MSRA: variants seen among roughly 807,000 people sequenced by gnomAD.
MSRA encodes the protein mitochondrial peptide methionine sulfoxide reductase.
A neutral mutation model predicts 31.3 loss-of-function variants in MSRA; 54 were observed. The observed-to-expected ratio is 1.73, with a 90% CI of 1.39 to 2.17. The LOEUF is 2.17. MSRA is among the 30% of genes most tolerant of loss of function. The pLI is 0.00. For synonymous variants in MSRA, 169 were observed against 116.5 expected, an observed-to-expected ratio of 1.45 and a Z score of -2.90; for missense variants, 507 against 300.9, an observed-to-expected ratio of 1.69 and a Z score of -5.07.
chr8:10,331,595 A>G (rs1388242415), intron 5 of MSRA, among the ~76,000 whole-genome samples: 1 of 152,166 alleles, frequency 6.6e-6, no homozygotes, highest in Non-Finnish European at 1.5e-5. Flanking sequence ...GAATTCCATA[A>G]GCTTTTCACC....
intron 5 of MSRA, among the ~76,000 whole-genome samples, chr8:10,404,166 A>T: frequency 6.6e-6 from 1 of 152,150 alleles, no homozygotes; most frequent in East Asian, 1.9e-4. Context: ...CCCCTGGTCC[A>T]CGTGGAGAGG....
chr8:10,275,638 G>A (rs1026107528), intron 3 of MSRA, among the ~76,000 whole-genome samples: 1 of 152,174 alleles, frequency 6.6e-6, no homozygotes, highest in African/African-American at 2.4e-5. Context: ...CTGAGTCTGT[G>A]CCCTTCACCA....
At chr8:10,316,489 TAGTG>T (rs1292230546) in intron 4 of MSRA, among the ~76,000 whole-genome samples, 24 of 149,390 alleles carry the variant, frequency 1.6e-4, no homozygotes, top group Non-Finnish European at 3.0e-4. Context: ...TGCCTGGACA[TAGTG>T]AGAACTATAG....
intron 5 of MSRA, among the ~76,000 whole-genome samples, chr8:10,344,532 C>G (rs1172830141): frequency 7.2e-6 from 1 of 139,190 alleles, no homozygotes; most frequent in African/African-American, 2.7e-5. Context: ...CGAGATTGCG[C>G]CACTGACACT....
intron 5 of MSRA, among the ~76,000 whole-genome samples, chr8:10,330,642 C>A (rs1468062769): frequency 6.6e-6 from 1 of 152,216 alleles, no homozygotes; most frequent in Non-Finnish European, 1.5e-5. Context: ...CAGAAGCTCA[C>A]ATGTGACAAA....
intron 1 of MSRA, among the ~76,000 whole-genome samples, chr8:10,118,315 G>C (rs918520091): frequency 6.6e-6 from 1 of 152,064 alleles, no homozygotes; most frequent in Non-Finnish European, 1.5e-5. Flanking sequence ...TGTTAGCTGC[G>C]TGCAGTGAAC....
intron 1 of MSRA, among the ~76,000 whole-genome samples, chr8:10,200,409 C>T (rs990883912): frequency 3.9e-5 from 6 of 152,240 alleles, no homozygotes; most frequent in Non-Finnish European, 7.3e-5. Context: ...TTCCCCTTCA[C>T]CTCCAGCTTT....
chr8:10,355,721 G>T (rs1332171334), intron 5 of MSRA, among the ~76,000 whole-genome samples: 3 of 152,136 alleles, frequency 2.0e-5, no homozygotes, highest in African/African-American at 7.2e-5. Context: ...GAAAGCAGAG[G>T]ATTGGTGGTG....
At chr8:10,172,011 C>G (rs1034697649) in intron 1 of MSRA, among the ~76,000 whole-genome samples, 1 of 152,150 alleles carries the variant, frequency 6.6e-6, no homozygotes, top group Non-Finnish European at 1.5e-5. Context: ...TAGGTAATAT[C>G]CCATATATCA....
chr8:10,218,500 C>A (rs1182258836), intron 2 of MSRA, among the ~76,000 whole-genome samples: 1 of 152,084 alleles, frequency 6.6e-6, no homozygotes, highest in Admixed American at 6.6e-5. Flanking sequence ...TTGCCTCAGT[C>A]CATTATTTTC....
chr8:10,099,422 G>C (rs1159735819), intron 1 of MSRA, among the ~76,000 whole-genome samples: 1 of 152,178 alleles, frequency 6.6e-6, no homozygotes, highest in Non-Finnish European at 1.5e-5. Context: ...GTGTAGTTGG[G>C]TAGAGGAGAG....
At chr8:10,108,155 C>T (rs1045680853) in intron 1 of MSRA, among the ~76,000 whole-genome samples, 16 of 152,156 alleles carry the variant, frequency 1.1e-4, no homozygotes, top group African/African-American at 2.9e-4. Context: ...TTTACACCCC[C>T]GTTCTCAGTG....
In MSRA at chr8:10,203,613, TCAG is replaced by T. The variant is rs146359116; in HGVS notation, c.143-4217_143-4215del. Among the ~76,000 whole-genome samples, 296 of 152,348 alleles carry T rather than the reference TCAG, an allele frequency of 1.9e-3. 1 individual carries two copies. Among genetic ancestry groups the T allele is most frequent in the African/African-American group, 6.7e-3 (278 of 41,578 alleles). On this transcript the variant is annotated intron_variant, in intron 1 of 5. Coordinates refer to ENST00000317173, the MANE Select transcript of MSRA (RefSeq NM_012331.5). ...ACTGCACTGCTAGTCATATAAAAGT[TCAG>T]CACATTCGATAATGTATAGTACATA...
intron 5 of MSRA, among the ~76,000 whole-genome samples, chr8:10,355,715 G>A (rs1226226069): frequency 2.6e-5 from 4 of 152,168 alleles, no homozygotes; most frequent in Non-Finnish European, 5.9e-5. Flanking sequence ...CCCTTGGAAA[G>A]CAGAGGATTG....
At chr8:10,141,766 G>C (rs1802730110) in intron 1 of MSRA, among the ~76,000 whole-genome samples, 2 of 151,818 alleles carry the variant, frequency 1.3e-5, no homozygotes, top group East Asian at 1.9e-4. Flanking sequence ...TTTTGACCTG[G>C]CATAAAATGC....
intron 1 of MSRA, among the ~76,000 whole-genome samples, chr8:10,117,170 C>T (rs1276484086): frequency 6.6e-6 from 1 of 152,124 alleles, no homozygotes; most frequent in Non-Finnish European, 1.5e-5. Context: ...CTGTCAGATT[C>T]CTAGAGTTCT....
intron 5 of MSRA, among the ~76,000 whole-genome samples, chr8:10,404,817 C>T (rs914803816): frequency 3.3e-5 from 5 of 152,154 alleles, no homozygotes; most frequent in South Asian, 2.1e-4. Context: ...CATTTTTGGC[C>T]GCCAGACCAT....
At chr8:10,349,892 G>A (rs1030385739) in intron 5 of MSRA, among the ~76,000 whole-genome samples, 1 of 152,184 alleles carries the variant, frequency 6.6e-6, no homozygotes, top group East Asian at 1.9e-4. Context: ...GGGCATTGAG[G>A]GGCCTTCCCC....
chr8:10,076,964 G>T (rs1349599290), intron 1 of MSRA, among the ~76,000 whole-genome samples: 1 of 151,148 alleles, frequency 6.6e-6, no homozygotes, highest in Non-Finnish European at 1.5e-5. Context: ...TAGGTAATGG[G>T]TTGATAGGTA....
Sources: allele counts gnomAD v4.1 joint callset (sites outside exome capture counted in the v4.1 genomes callset), GRCh38; gene constraint gnomAD v4.1.1; transcripts MANE v1.5; gene names NCBI Gene and HGNC (gene_info 2026-07-23, HGNC 2026-07-21).